The following CPXM2 variants were observed in gnomAD, a reference collection of about 807,000 sequenced individuals.
The protein encoded by CPXM2 is inactive carboxypeptidase-like protein X2.
In CPXM2, 66 loss-of-function variants were observed where a neutral mutation model predicts 86.1. The observed-to-expected ratio is 0.77, with a 90% CI of 0.63 to 0.94. CPXM2 has a LOEUF of 0.94. CPXM2 is among the 40% of genes least tolerant of loss of function. The pLI, the probability that CPXM2 is intolerant of heterozygous loss-of-function variation, is 0.00. For synonymous variants in CPXM2, 388 were observed against 400.2 expected, an observed-to-expected ratio of 0.97 and a Z score of 0.36; for missense variants, 948 against 1,026.3, an observed-to-expected ratio of 0.92 and a Z score of 1.04.
At chr10:123,838,358 A>G (rs534111705) in intron 4 of CPXM2, among the ~76,000 whole-genome samples, 1 of 152,258 alleles carries the variant, frequency 6.6e-6, no homozygotes, top group Admixed American at 6.5e-5. Context: ...CTACTCAAGA[A>G]GCTGAGTATC....
intron 4 of CPXM2, among the ~76,000 whole-genome samples, chr10:123,837,880 G>A (rs998812636): frequency 1.3e-5 from 2 of 152,130 alleles, no homozygotes; most frequent in Non-Finnish European, 2.9e-5. Context: ...GACTGCGGTG[G>A]CTGAGCCTCG....
intron 2 of CPXM2, among the ~76,000 whole-genome samples, chr10:123,875,807 C>CTTTTTTTTT (rs780970130): frequency 8.2e-4 from 69 of 84,632 alleles, no homozygotes; most frequent in East Asian, 2.2e-3. Flanking sequence ...TCTTTTCTTT[C>CTTTTTTTTT]TTTTTTTTTT....
chr10:123,771,995 G>A (rs1052765870), intron 7 of CPXM2, among the ~76,000 whole-genome samples: 7 of 152,180 alleles, frequency 4.6e-5, no homozygotes, highest in Non-Finnish European at 1.0e-4. Flanking sequence ...CTTCATAGCA[G>A]CATGAGAATG....
intron 2 of CPXM2, among the ~76,000 whole-genome samples, chr10:123,919,765 G>T (rs566715249): frequency 1.5e-4 from 23 of 152,268 alleles, no homozygotes; most frequent in Admixed American, 2.6e-4. Flanking sequence ...GGTTTATTTG[G>T]CTCACAATTC....
intron 4 of CPXM2, among the ~76,000 whole-genome samples, chr10:123,837,883 G>A (rs1174345141): frequency 1.3e-5 from 2 of 152,182 alleles, no homozygotes; most frequent in Non-Finnish European, 2.9e-5. Flanking sequence ...TGCGGTGGCT[G>A]AGCCTCGTGA....
chr10:123,775,630 G>C (rs921943515), intron 7 of CPXM2, among the ~76,000 whole-genome samples: 8 of 152,202 alleles, frequency 5.3e-5, no homozygotes, highest in Non-Finnish European at 8.8e-5. Flanking sequence ...CACTGTCACT[G>C]TACTTTCATA....
intron 3 of CPXM2, among the ~76,000 whole-genome samples, chr10:123,853,130 G>A (rs1848639177): frequency 6.6e-6 from 1 of 152,022 alleles, no homozygotes; most frequent in Admixed American, 6.6e-5. Context: ...AATGTGTGTG[G>A]CACCTCCCCA....
chr10:123,789,732 T>C (rs1847161744), intron 6 of CPXM2, among the ~76,000 whole-genome samples: 1 of 152,158 alleles, frequency 6.6e-6, no homozygotes, highest in South Asian at 2.1e-4. Flanking sequence ...GGGGTTCTTA[T>C]TCCTGATGCA....
intron 3 of CPXM2, among the ~76,000 whole-genome samples, chr10:123,843,010 G>C (rs563438419): frequency 1.3e-5 from 2 of 152,164 alleles, no homozygotes; most frequent in Non-Finnish European, 2.9e-5. Flanking sequence ...CCAAGACCAG[G>C]GGATACTTGA....
intron 2 of CPXM2, among the ~76,000 whole-genome samples, chr10:123,869,976 T>C (rs1416480347): frequency 6.6e-6 from 1 of 152,042 alleles, no homozygotes; most frequent in Non-Finnish European, 1.5e-5. Context: ...GTATCCCAAA[T>C]CTGTCCAGGG....
At chr10:123,837,537 A>G (rs1465048087) in intron 4 of CPXM2, among the ~76,000 whole-genome samples, 1 of 152,200 alleles carries the variant, frequency 6.6e-6, no homozygotes, top group Non-Finnish European at 1.5e-5. Context: ...TTCAATCATC[A>G]CATTGGTTAT....
intron 2 of CPXM2, 66 bp downstream of exon 2, chr10:123,880,145 T>TGGGGGGGCCCCCCCCCCCC: frequency 4.9e-6 from 2 of 407,576 alleles, no homozygotes; most frequent in African/African-American, 2.1e-5. Context: ...CAGGGGCCTG[T>TGGGGGGGCCCCCCCCCCCC]ACCCACCCAC....
intron 5 of CPXM2, 117 bp from the exon 6 acceptor site, chr10:123,798,243 G>T: frequency 1.4e-6 from 1 of 712,978 alleles, no homozygotes; most frequent in Non-Finnish European, 2.0e-6. Flanking sequence ...TGTGTGCTGT[G>T]CATTGAAAAG....
At chr10:123,917,576 C>A (rs1945543926) in intron 2 of CPXM2, among the ~76,000 whole-genome samples, 1 of 152,230 alleles carries the variant, frequency 6.6e-6, no homozygotes, top group African/African-American at 2.4e-5. Flanking sequence ...TTCTACCTAA[C>A]AACCACATGT....
At chr10:123,908,503 A>G (rs1327565456) in intron 2 of CPXM2, among the ~76,000 whole-genome samples, 1 of 152,196 alleles carries the variant, frequency 6.6e-6, no homozygotes, top group African/African-American at 2.4e-5. Context: ...GTCGGCCACA[A>G]GGACTCAATC....
In CPXM2 at chr10:123,749,267, G is replaced by A. The variant is rs74161095; in HGVS notation, c.2018-2250C>T. Among the ~76,000 whole-genome samples the A allele has an allele frequency of 9.7e-3, 1,474 of 152,212 alleles. 25 individuals are homozygous for A. Among genetic ancestry groups the A allele is most frequent in the African/African-American group, 0.034 (1,398 of 41,512 alleles). On this transcript the variant is annotated intron_variant, in intron 13 of 13. Transcript: ENST00000241305. ...CCTGACTCAATGGCACTTGGAAGTTGGTTTAAATACCTCAGGGAGGGGGCA... is the reference window on the plus strand; with the variant it reads ...CCTGACTCAATGGCACTTGGAAGTTAGTTTAAATACCTCAGGGAGGGGGCA...
Position 123,885,936 on chromosome 10 carries a change from G to A in CPXM2, c.304+5420C>T, listed in dbSNP as rs1590101927. ...AACCACAGCATGCAGTCCAGCTTTC[G>A]CAAACGTGGGTGTGTCCTCCTTTAT... On this transcript the variant is annotated intron_variant, in intron 1 of 13. Transcript: ENST00000241305. This position sits in a 1 kb window ranked among gnomAD's most constrained non-coding sequence, Gnocchi z 4.0. Among the ~76,000 whole-genome samples, 2 of 152,346 alleles carry A rather than the reference G, an allele frequency of 1.3e-5. No individual in the cohort carries two copies. The highest frequency in any genetic ancestry group is 2.1e-4 in the South Asian group (1 of 4,826).
chr10:123,833,912 A>T (rs1564790145), intron 4 of CPXM2, among the ~76,000 whole-genome samples: 1 of 143,522 alleles, frequency 7.0e-6, no homozygotes, highest in Non-Finnish European at 1.5e-5. Flanking sequence ...GCAACAGCAG[A>T]CCCCTTACAG....
chr10:123,852,168 A>G (rs28413513), intron 3 of CPXM2, among the ~76,000 whole-genome samples: 42,745 of 152,010 alleles, frequency 0.28, 6,581 homozygotes, highest in East Asian at 0.41. Context: ...CAACTTTGTC[A>G]TGGCAGTCCC....
Sources: gnomAD v4.1 joint callset for allele counts (sites outside exome capture counted in the v4.1 genomes callset) on GRCh38, gnomAD v4.1.1 for gene constraint, Gnocchi (gnomAD v3.1) non-coding constraint, MANE v1.5 for transcripts, NCBI Gene and HGNC (gene_info 2026-07-23, HGNC 2026-07-21) for gene names.